ZNF627: variants seen among roughly 807,000 people sequenced by gnomAD.
The protein encoded by ZNF627 is zinc finger protein 627.
A neutral mutation model predicts 10.6 loss-of-function variants in ZNF627; 12 were observed. That is an observed-to-expected ratio of 1.13 (90% confidence interval 0.73 to 1.84). The LOEUF (loss-of-function observed/expected upper bound fraction) is 1.84, where lower values mean the gene tolerates loss of function less well. Among genes scored for constraint, ZNF627 ranks in the 40% most tolerant of loss-of-function variants. The probability of loss-of-function intolerance (pLI) is 0.00; values close to 1 mark genes in which losing one functional copy is unlikely to be tolerated. For synonymous variants in ZNF627, 176 were observed against 187.1 expected, an observed-to-expected ratio of 0.94 and a Z score of 0.48; for missense variants, 504 against 568.4, an observed-to-expected ratio of 0.89 and a Z score of 1.15.
At chr19:11,609,528 C>A (rs2145132046) in intron 1 of ZNF627, among the ~76,000 whole-genome samples, 1 of 102,208 alleles carries the variant, frequency 9.8e-6, no homozygotes, top group Admixed American at 1.0e-4. Context: ...TGTATTTTTT[C>A]CCCCCCGAGA....
intron 1 of ZNF627, among the ~76,000 whole-genome samples, 180 bp downstream of exon 1, chr19:11,597,810 C>T (rs561709340): frequency 6.6e-6 from 1 of 152,322 alleles, no homozygotes; most frequent in South Asian, 2.1e-4. Context: ...CTGTCCCGTC[C>T]CTGCGCGACG....
intron 1 of ZNF627, among the ~76,000 whole-genome samples, chr19:11,613,429 A>C (rs975374627): frequency 6.6e-6 from 1 of 151,408 alleles, no homozygotes; most frequent in Non-Finnish European, 1.5e-5. Flanking sequence ...AGAACTGATG[A>C]AGTTTCTGGA....
chr19:11,617,969 C>A lies in ZNF627; in HGVS notation c.*80C>A. On this transcript the variant is annotated 3_prime_UTR_variant, in exon 4 of 4. Transcript: ENST00000361113. ...CTTCAGTCCTTTCTGTTTCTTTCAA[C>A]TACGTGAAAGGATTCACAGTGGAGA... 1.6e-6 allele frequency: 2 copies of A among 1,255,246 alleles called. No individual in the cohort carries two copies. Among genetic ancestry groups the A allele is most frequent in the Non-Finnish European group, 2.2e-6 (2 of 922,548 alleles). The allele number at this position is 1,255,246 out of a possible 1,614,324, so 77.8% of individuals were successfully genotyped here.
intron 1 of ZNF627, among the ~76,000 whole-genome samples, chr19:11,603,455 A>AT (rs56105481): frequency 6.9e-4 from 101 of 146,360 alleles, no homozygotes; most frequent in Middle Eastern, 3.5e-3. Flanking sequence ...TAATTTTTGT[A>AT]TTTTTTTTTT....
In ZNF627 at chr19:11,597,520, G is replaced by A. The variant is rs564134866; in HGVS notation, c.-108G>A. The A allele has an allele frequency of 8.1e-5, 98 of 1,208,160 alleles. No homozygotes were observed. The African/African-American group carries it at 1.4e-3, about 18-fold the overall frequency. The allele number at this position is 1,208,160 out of a possible 1,614,324, so 74.8% of individuals were successfully genotyped here. On this transcript the variant is annotated 5_prime_UTR_variant, in exon 1 of 4. Coordinates refer to ENST00000361113, the MANE Select transcript of ZNF627 (RefSeq NM_145295.4). ...CGTCCCCACCCGGGCTCGCGTCTCC[G>A]TTTCTCCGAGAGGCCCAAGGTGTCT...
intron 1 of ZNF627, among the ~76,000 whole-genome samples, chr19:11,610,268 G>A (rs539924220): frequency 5.5e-4 from 83 of 151,728 alleles, no homozygotes; most frequent in African/African-American, 1.5e-3. Context: ...AGCATACCTG[G>A]GTTTTTCTGA....
At chr19:11,605,101 T>C (rs1401282050) in intron 1 of ZNF627, among the ~76,000 whole-genome samples, 2 of 146,932 alleles carry the variant, frequency 1.4e-5, no homozygotes, top group Admixed American at 6.8e-5. Flanking sequence ...TTTTTTTTTT[T>C]GAGATGGAGT....
chr19:11,609,447 T>A, intron 1 of ZNF627, among the ~76,000 whole-genome samples: 1 of 106,610 alleles, frequency 9.4e-6, no homozygotes, highest in Non-Finnish European at 2.2e-5. Context: ...GATCCGTACT[T>A]CCTGGGTAGT....
intron 1 of ZNF627, among the ~76,000 whole-genome samples, chr19:11,606,336 CAA>C (rs1476278970): frequency 3.6e-5 from 5 of 140,066 alleles, no homozygotes; most frequent in Admixed American, 7.1e-5. Flanking sequence ...GACTCTGTCT[CAA>C]AAAAAAAAAA....
intron 1 of ZNF627, among the ~76,000 whole-genome samples, chr19:11,606,750 C>T (rs965818112): frequency 7.9e-5 from 12 of 152,224 alleles, no homozygotes; most frequent in Non-Finnish European, 5.9e-5. Context: ...TCTGAAATCT[C>T]GGCAGAGGTT....
chr19:11,603,440 C>G (rs917563743), intron 1 of ZNF627, among the ~76,000 whole-genome samples: 13 of 147,432 alleles, frequency 8.8e-5, no homozygotes, highest in African/African-American at 3.2e-4. Flanking sequence ...CAGTACCACA[C>G]CAGCTAATTT....
chr19:11,601,635 G>A (rs558869537), intron 1 of ZNF627, among the ~76,000 whole-genome samples: 21 of 152,098 alleles, frequency 1.4e-4, no homozygotes, highest in Middle Eastern at 3.4e-3. Flanking sequence ...GGGGTGGGGC[G>A]GGGAGCACCA....
At position 11,618,031 on chromosome 19, in the gene ZNF627, G is replaced by A; in HGVS notation, c.*142G>A. On this transcript the variant is annotated 3_prime_UTR_variant, in exon 4 of 4. Transcript: ENST00000361113. ...AGATAATTGGCTTTAAATTACGAGA[G>A]ACTTGTGATAGGACAGTAAAACCTA... The A allele has an allele frequency of 3.0e-6, 2 of 667,842 alleles. No individual in the cohort carries two copies. Among genetic ancestry groups the A allele is most frequent in the Non-Finnish European group, 4.7e-6 (2 of 422,684 alleles). The allele number at this position is 667,842 out of a possible 1,614,324, so 41.4% of individuals were successfully genotyped here.
chr19:11,599,256 C>T (rs562256068), intron 1 of ZNF627, among the ~76,000 whole-genome samples: 130 of 152,154 alleles, frequency 8.5e-4, no homozygotes, highest in African/African-American at 3.0e-3. Context: ...GTCCTGGGGT[C>T]GGAGGAATCT....
chr19:11,605,471 C>G (rs954886084), intron 1 of ZNF627, among the ~76,000 whole-genome samples: 17 of 152,044 alleles, frequency 1.1e-4, no homozygotes, highest in African/African-American at 3.9e-4. Flanking sequence ...GGGGAGGCCT[C>G]AGGAAACTTA....
At chr19:11,602,612 G>T (rs1307840701) in intron 1 of ZNF627, among the ~76,000 whole-genome samples, 2 of 152,188 alleles carry the variant, frequency 1.3e-5, no homozygotes, top group Non-Finnish European at 2.9e-5. Flanking sequence ...CATCTGCAGT[G>T]GGGCACTGTT....
intron 1 of ZNF627, among the ~76,000 whole-genome samples, chr19:11,601,996 ACT>A (rs1368124936): frequency 2.4e-5 from 3 of 126,904 alleles, no homozygotes; most frequent in East Asian, 2.3e-4. Context: ...ACAGAGTGAG[ACT>A]CTGTCTCAAA....
intron 1 of ZNF627, among the ~76,000 whole-genome samples, chr19:11,609,471 T>TTATATACATA (rs1973729516): frequency 1.9e-5 from 1 of 54,016 alleles, no homozygotes; most frequent in Non-Finnish European, 5.1e-5. Flanking sequence ...TTAAAAAATT[T>TTATATACATA]TATATATATA....
chr19:11,598,080 G>C (rs1045502394), intron 1 of ZNF627, among the ~76,000 whole-genome samples: 1 of 152,234 alleles, frequency 6.6e-6, no homozygotes, highest in Non-Finnish European at 1.5e-5. Flanking sequence ...GGTGCAGGAG[G>C]AAGCGAACCA....
Sources: allele counts gnomAD v4.1 joint callset (sites outside exome capture counted in the v4.1 genomes callset), GRCh38; gene constraint gnomAD v4.1.1; transcripts MANE v1.5; gene names NCBI Gene and HGNC (gene_info 2026-07-23, HGNC 2026-07-21).